The following FAM53B variants were observed in gnomAD, a reference collection of about 807,000 sequenced individuals.
The protein encoded by FAM53B is family with sequence similarity 53 member B, also known as protein FAM53B.
A neutral mutation model predicts 32.7 loss-of-function variants in FAM53B; 12 were observed. The observed-to-expected ratio is 0.37, with a 90% CI of 0.24 to 0.59. FAM53B has a LOEUF of 0.59. Among genes scored for constraint, FAM53B ranks in the 20% least tolerant of loss-of-function variants. The probability of loss-of-function intolerance (pLI) is 0.72; values close to 1 mark genes in which losing one functional copy is unlikely to be tolerated. For missense variants in FAM53B, 477 were observed against 577.7 expected (o/e 0.83, Z 1.79); for synonymous variants, 234 against 228.7 (o/e 1.02, Z -0.21).
chr10:124,659,218 A>G (rs1428026080), intron 4 of FAM53B, among the ~76,000 whole-genome samples: 1 of 152,080 alleles, frequency 6.6e-6, no homozygotes, highest in Non-Finnish European at 1.5e-5. Context: ...GACTCCCTCC[A>G]CCTCTAGCCT....
chr10:124,683,797 A>G (rs960484654), intron 3 of FAM53B, among the ~76,000 whole-genome samples: 37 of 152,220 alleles, frequency 2.4e-4, no homozygotes, highest in African/African-American at 8.4e-4. Context: ...TCAGGTGCAG[A>G]AAACTGAGAT....
intron 4 of FAM53B, chr10:124,671,030 G>A (rs1000359165): frequency 3.9e-5 from 16 of 412,252 alleles, no homozygotes; most frequent in Admixed American, 2.4e-5. Flanking sequence ...CTCCCGCCCC[G>A]CTGGAGAACG....
intron 2 of FAM53B, among the ~76,000 whole-genome samples, chr10:124,702,091 G>T (rs543965515): frequency 6.6e-6 from 1 of 152,126 alleles, no homozygotes; most frequent in Non-Finnish European, 1.5e-5. Flanking sequence ...AGACTTTCCC[G>T]CTCTGTGACT....
At chr10:124,667,567 G>A (rs1735211469) in intron 4 of FAM53B, 1 of 652,056 alleles carries the variant, frequency 1.5e-6, no homozygotes, top group Non-Finnish European at 2.8e-6. Context: ...ACAGGGCTGA[G>A]GAGGACCGGG....
At chr10:124,739,470 G>A (rs550385202) in intron 1 of FAM53B, among the ~76,000 whole-genome samples, 4 of 152,336 alleles carry the variant, frequency 2.6e-5, no homozygotes, top group East Asian at 1.9e-4. Flanking sequence ...TTATACTAGC[G>A]CAGGGGAAGA....
chr10:124,646,903 T>C (rs111439071), intron 4 of FAM53B, among the ~76,000 whole-genome samples: 76 of 152,292 alleles, frequency 5.0e-4, no homozygotes, highest in African/African-American at 1.8e-3. Flanking sequence ...TGTCGACCTC[T>C]CCAGGTTCTA....
intron 2 of FAM53B, chr10:124,703,812 T>C (rs1479497172): frequency 2.0e-5 from 3 of 152,346 alleles, no homozygotes; most frequent in African/African-American, 7.2e-5. Flanking sequence ...CAGATTCTAA[T>C]CTGTGTGGCC....
Position 124,623,521 on chromosome 10 carries a change from G to A in FAM53B, c.990C>T (p.Val330=). The change falls in exon 5 of 5, where the codon GTC becomes GTT. Residue 330 remains valine, a synonymous_variant. Transcript: ENST00000337318. The part of the protein sequence containing the change: ...CGPQSPFARH[V]SNTRAWTALL... ...GGGCGGTCCAGGCCCTGGTGTTGCTGACGTGGCGGGCGAAGGGGCTCTGGG... is the reference window on the plus strand; with the variant it reads ...GGGCGGTCCAGGCCCTGGTGTTGCTAACGTGGCGGGCGAAGGGGCTCTGGG... 1.3e-6 allele frequency: 2 copies of A among 1,548,150 alleles called. No homozygotes were observed. The highest frequency in any genetic ancestry group is 1.7e-6 in the Non-Finnish European group (2 of 1,147,704).
chr10:124,624,151 C>G (rs1949330433), intron 4 of FAM53B: 1 of 153,428 alleles, frequency 6.5e-6, no homozygotes, highest in African/African-American at 2.4e-5. Flanking sequence ...CGCGATACTT[C>G]CCTTGAGAAG....
At chr10:124,676,726 G>A (rs559575760) in intron 4 of FAM53B, among the ~76,000 whole-genome samples, 1 of 152,270 alleles carries the variant, frequency 6.6e-6, no homozygotes, top group East Asian at 1.9e-4. Flanking sequence ...ATCCTGCCCA[G>A]TCCCTGCGGC....
chr10:124,631,628 C>T (rs189067138), intron 4 of FAM53B, among the ~76,000 whole-genome samples: 6 of 152,312 alleles, frequency 3.9e-5, no homozygotes, highest in Non-Finnish European at 2.9e-5. Flanking sequence ...CCACCACTCT[C>T]GGGCTGGCCT....
chr10:124,729,643 A>G (rs1950128691), intron 1 of FAM53B, among the ~76,000 whole-genome samples: 1 of 152,230 alleles, frequency 6.6e-6, no homozygotes, highest in South Asian at 2.1e-4. Context: ...GACTGTAACC[A>G]TGTAAACCAA....
intron 4 of FAM53B, among the ~76,000 whole-genome samples, chr10:124,675,434 T>A (rs900605980): frequency 7.2e-5 from 11 of 151,952 alleles, no homozygotes; most frequent in African/African-American, 2.7e-4. Flanking sequence ...TGGGGCGAGC[T>A]ACCATGGGAG....
At chr10:124,636,808 G>C (rs1239386310) in intron 4 of FAM53B, among the ~76,000 whole-genome samples, 1 of 151,772 alleles carries the variant, frequency 6.6e-6, no homozygotes, top group Non-Finnish European at 1.5e-5. Context: ...CGGACACCTG[G>C]GCCAGGTGTC....
At chr10:124,743,731 G>T (rs1181027375) in intron 1 of FAM53B, among the ~76,000 whole-genome samples, 1 of 150,460 alleles carries the variant, frequency 6.6e-6, no homozygotes, top group African/African-American at 2.5e-5. Context: ...TTCCGCCGCA[G>T]CCAGGCTTGT....
rs5788679 is a variant in FAM53B, at chr10:124,692,714, CAA to C, written c.133+3442_133+3443del. On this transcript the variant is annotated intron_variant, in intron 3 of 4. Coordinates refer to ENST00000337318, the MANE Select transcript of FAM53B (RefSeq NM_014661.4). ...TAGGAGACAGAGCGATACTCCATCTCAAAAAAAAAAAAAAAAAAAAAAAAAGG... is the reference window on the plus strand; with the variant it reads ...TAGGAGACAGAGCGATACTCCATCTCAAAAAAAAAAAAAAAAAAAAAAAGG... 4.0e-3 allele frequency among the ~76,000 whole-genome samples: 277 copies of C among 69,038 alleles called. 1 individual carries two copies. Among genetic ancestry groups the C allele is most frequent in the East Asian group, 0.032 (63 of 1,980 alleles). 45.3% of individuals were successfully genotyped at this position (69,038 alleles called of 152,430 possible).
intron 1 of FAM53B, among the ~76,000 whole-genome samples, chr10:124,728,882 T>A (rs78240487): frequency 6.6e-6 from 1 of 152,144 alleles, no homozygotes; most frequent in African/African-American, 2.4e-5. Flanking sequence ...ATGTGCACAA[T>A]TGGGGACAAA....
intron 2 of FAM53B, among the ~76,000 whole-genome samples, chr10:124,697,215 G>C (rs574120677): frequency 2.0e-4 from 30 of 152,174 alleles, no homozygotes; most frequent in Non-Finnish European, 4.0e-4. Context: ...TAGGCGGGCT[G>C]TGCTGGGGGT....
In FAM53B at chr10:124,660,823, C is replaced by A. The variant is rs186430473; in HGVS notation, c.906+20784G>T. 2.6e-5 allele frequency among the ~76,000 whole-genome samples: 4 copies of A among 152,302 alleles called. No individual in the cohort carries two copies. The East Asian group carries it at 7.7e-4, about 29-fold the overall frequency. On this transcript the variant is annotated intron_variant, in intron 4 of 4. Transcript: ENST00000337318. The stretch of plus-strand genomic sequence containing the variant: ...ATCGGGCTCTGTCATAATGACCCAG[C>A]CCTGCCACTACACAACCCTGCCGTT...
Sources: gnomAD v4.1 joint callset for allele counts (sites outside exome capture counted in the v4.1 genomes callset) on GRCh38, gnomAD v4.1.1 for gene constraint, MANE v1.5 for transcripts, NCBI Gene and HGNC (gene_info 2026-07-23, HGNC 2026-07-21) for gene names.